FBXO34: variants seen among roughly 807,000 people sequenced by gnomAD.
FBXO34 encodes F-box protein 34.
A neutral mutation model predicts 24.5 loss-of-function variants in FBXO34; 12 were observed. The ratio of observed to expected loss-of-function variants is 0.49; its 90% CI spans 0.31 to 0.79. The LOEUF is 0.79. Ranked by LOEUF, FBXO34 falls within the 30% of genes least tolerant of loss-of-function variation. FBXO34 has a pLI of 0.04. For synonymous variants in FBXO34, 320 were observed against 311.9 expected, an observed-to-expected ratio of 1.03 and a Z score of -0.27; for missense variants, 823 against 857.7, an observed-to-expected ratio of 0.96 and a Z score of 0.51.
chr14:55,362,969 A>C (rs1039766132), downstream of FBXO34, among the ~76,000 whole-genome samples: 1 of 151,898 alleles, frequency 6.6e-6, no homozygotes, highest in South Asian at 2.1e-4. Flanking sequence ...GTCAGGAACA[A>C]TCTCATATGG....
the FBXO34 span, among the ~76,000 whole-genome samples, chr14:55,432,445 A>C: frequency 4.0e-5 from 6 of 150,342 alleles, no homozygotes; most frequent in African/African-American, 7.4e-5. Context: ...AACAAACAAC[A>C]AAAAAAACAC....
chr14:55,428,431 T>C, the FBXO34 span, among the ~76,000 whole-genome samples: 1 of 152,142 alleles, frequency 6.6e-6, no homozygotes, highest in African/African-American at 2.4e-5. Context: ...AAGCTACGTT[T>C]GTATGCTTAC....
At chr14:55,435,713 C>T in the FBXO34 span, 2 of 604,642 alleles carry the variant, frequency 3.3e-6, no homozygotes, top group Non-Finnish European at 5.7e-6. Flanking sequence ...AGATATTAAC[C>T]CTGAGTTGCC....
intron 1 of FBXO34, among the ~76,000 whole-genome samples, chr14:55,319,458 C>G (rs1883052085): frequency 6.6e-6 from 1 of 152,156 alleles, no homozygotes; most frequent in African/African-American, 2.4e-5. Context: ...CCATTCTGTC[C>G]TTCTTCCCTC....
intron 1 of FBXO34, among the ~76,000 whole-genome samples, chr14:55,273,551 A>C (rs577719973): frequency 1.4e-4 from 21 of 152,318 alleles, no homozygotes; most frequent in African/African-American, 5.1e-4. Flanking sequence ...TCGTATGTAC[A>C]AATTTTGTAT....
chr14:55,401,561 T>C, the FBXO34 span, among the ~76,000 whole-genome samples: 4 of 152,250 alleles, frequency 2.6e-5, no homozygotes, highest in African/African-American at 9.6e-5. Context: ...TCCATACTTA[T>C]ATGATTTGGG....
downstream of FBXO34, chr14:55,370,063 C>G: frequency 1.4e-6 from 1 of 694,348 alleles, no homozygotes; most frequent in Non-Finnish European, 2.2e-6. Context: ...CTATGCAGCA[C>G]TCCGTGTTGA....
chr14:55,358,429 C>T (rs1265911354), downstream of FBXO34, among the ~76,000 whole-genome samples: 3 of 152,194 alleles, frequency 2.0e-5, no homozygotes, highest in Non-Finnish European at 4.4e-5. Flanking sequence ...AGCCCTCCTG[C>T]AGCACATCCC....
In FBXO34 at chr14:55,352,692, C is replaced by A; in HGVS notation, c.*166C>A. Reference sequence around the variant, plus strand: ...CTAAACTCTAAATTTACGAGCTGTACAAAAAAATTGGTCTTGTTGTTTATA... The same window carrying A: ...CTAAACTCTAAATTTACGAGCTGTAAAAAAAAATTGGTCTTGTTGTTTATA... On this transcript the variant is annotated 3_prime_UTR_variant, in exon 2 of 2. Transcript: ENST00000313833. The A allele has an allele frequency of 1.5e-6, 1 of 646,264 alleles. No individual in the cohort carries two copies. Among genetic ancestry groups the A allele is most frequent in the Non-Finnish European group, 2.5e-6 (1 of 396,440 alleles). 40.0% of individuals were successfully genotyped at this position (646,264 alleles called of 1,614,324 possible).
At chr14:55,322,688 C>G (rs2140026346) in intron 1 of FBXO34, among the ~76,000 whole-genome samples, 1 of 152,042 alleles carries the variant, frequency 6.6e-6, no homozygotes, top group South Asian at 2.1e-4. Context: ...TTGTCCCATT[C>G]TTTTGCTTGT....
chr14:55,385,661 G>A, the FBXO34 span, among the ~76,000 whole-genome samples: 3 of 152,200 alleles, frequency 2.0e-5, no homozygotes, highest in Non-Finnish European at 2.9e-5. Flanking sequence ...GTACACAAGT[G>A]TGGGCCCCAC....
chr14:55,356,486 C>T (rs1335238317), downstream of FBXO34, among the ~76,000 whole-genome samples: 3 of 152,258 alleles, frequency 2.0e-5, no homozygotes, highest in South Asian at 2.1e-4. Context: ...CTTGCTCTGT[C>T]GCCCAGACTG....
intron 1 of FBXO34, among the ~76,000 whole-genome samples, chr14:55,283,944 ATGTGTGTGTGTG>A (rs71131258): frequency 7.0e-6 from 1 of 142,588 alleles, no homozygotes; most frequent in Non-Finnish European, 1.5e-5. Flanking sequence ...TTCTAAGACT[ATGTGTGTGTGTG>A]TGTGTGTGTG....
chr14:55,313,977 A>T (rs1882841040), intron 1 of FBXO34, among the ~76,000 whole-genome samples: 1 of 152,168 alleles, frequency 6.6e-6, no homozygotes, highest in South Asian at 2.1e-4. Context: ...ATCACAACTT[A>T]CTGCAGCCTC....
intron 1 of FBXO34, among the ~76,000 whole-genome samples, chr14:55,274,805 T>G (rs1881279783): frequency 6.6e-6 from 1 of 152,258 alleles, no homozygotes; most frequent in Non-Finnish European, 1.5e-5. Context: ...GAAAACATAC[T>G]TATCTTTAGA....
chr14:55,441,268 C>CT, the FBXO34 span, among the ~76,000 whole-genome samples: 2 of 152,180 alleles, frequency 1.3e-5, no homozygotes, highest in Non-Finnish European at 2.9e-5. Flanking sequence ...CTCAGCCTCC[C>CT]TAGCAGTTGG....
chr14:55,401,433 G>A, the FBXO34 span, among the ~76,000 whole-genome samples: 3 of 151,806 alleles, frequency 2.0e-5, no homozygotes, highest in Non-Finnish European at 4.4e-5. Flanking sequence ...ACTAGTTTTT[G>A]TGCTGTTTTC....
chr14:55,420,105 C>G, the FBXO34 span, among the ~76,000 whole-genome samples: 6 of 152,202 alleles, frequency 3.9e-5, no homozygotes, highest in African/African-American at 1.4e-4. Flanking sequence ...GACTCTTGCT[C>G]TGTTACCCAG....
At chr14:55,419,433 C>A in the FBXO34 span, among the ~76,000 whole-genome samples, 3 of 152,162 alleles carry the variant, frequency 2.0e-5, no homozygotes, top group Non-Finnish European at 4.4e-5. Context: ...TTGTTATACC[C>A]CATTCCAGCA....
Sources: allele counts gnomAD v4.1 joint callset (sites outside exome capture counted in the v4.1 genomes callset), GRCh38; gene constraint gnomAD v4.1.1; transcripts MANE v1.5; gene names NCBI Gene and HGNC (gene_info 2026-07-23, HGNC 2026-07-21).